Variants in CHM observed in about 807,000 individuals in gnomAD.
CHM encodes rab proteins geranylgeranyltransferase component A 1.
Under a neutral mutation model 49.0 loss-of-function variants are expected in CHM, and 10 were observed. The ratio of observed to expected loss-of-function variants is 0.20; its 90% CI spans 0.13 to 0.35. The LOEUF (loss-of-function observed/expected upper bound fraction) is 0.35, where lower values mean the gene tolerates loss of function less well. Among genes scored for constraint, CHM ranks in the 10% least tolerant of loss-of-function variants. The pLI, the probability that CHM is intolerant of heterozygous loss-of-function variation, is 1.00. For synonymous variants in CHM, 184 were observed against 167.5 expected (o/e 1.10, Z -0.76); for missense variants, 455 against 478.4 (o/e 0.95, Z 0.46).
chrX:85,993,755 G>C (rs1194398439), intron 2 of CHM, among the ~76,000 whole-genome samples: 2 of 111,711 alleles, frequency 1.8e-5, no homozygotes, highest in African/African-American at 6.5e-5. Flanking sequence ...AGTGAGCCAA[G>C]GGCCTGCATA....
intron 8 of CHM, among the ~76,000 whole-genome samples, chrX:85,941,115 AT>A (rs1387518900): frequency 8.9e-6 from 1 of 112,002 alleles, no homozygotes; most frequent in African/African-American, 3.2e-5. Flanking sequence ...TTGTTGTTGA[AT>A]TAAATGGAAA....
At chrX:85,924,014 C>T (rs766643498) in intron 8 of CHM, among the ~76,000 whole-genome samples, 11 of 111,528 alleles carry the variant, frequency 9.9e-5, no homozygotes, top group African/African-American at 2.3e-4. Flanking sequence ...GAAACGAGGA[C>T]GCATATAGTT....
intron 11 of CHM, among the ~76,000 whole-genome samples, chrX:85,900,119 G>T (rs1353193013): frequency 9.0e-6 from 1 of 111,585 alleles, no homozygotes; most frequent in Non-Finnish European, 1.9e-5. Context: ...GTTCATCAAT[G>T]GAAGAATGGG....
intron 4 of CHM, among the ~76,000 whole-genome samples, chrX:85,973,328 A>AAG (rs1931070449): frequency 9.9e-6 from 1 of 101,519 alleles, no homozygotes; most frequent in Non-Finnish European, 2.0e-5. Flanking sequence ...AAAAAAAAAA[A>AAG]AAAGAAAGAA....
At chrX:85,996,815 G>A (rs1223394921) in intron 2 of CHM, among the ~76,000 whole-genome samples, 4 of 111,739 alleles carry the variant, frequency 3.6e-5, no homozygotes, top group South Asian at 3.8e-4. Context: ...CAGATTCACT[G>A]AGCCAGATGA....
Position 86,043,344 on chromosome X carries a change from T to C in CHM, c.49+4140A>G, listed in dbSNP as rs189618303. 1.1e-4 allele frequency among the ~76,000 whole-genome samples: 12 copies of C among 111,222 alleles called. No individual in the cohort carries two copies. In the Admixed American group the frequency reaches 1.1e-3, roughly 11 times the overall value. On this transcript the variant is annotated intron_variant, in intron 1 of 14. Coordinates refer to ENST00000357749, the MANE Select transcript of CHM (RefSeq NM_000390.4). Reference sequence around the variant, plus strand: ...GATAATCAGGATTTAGGGGCAGTACTCCTTATAATTTCCATGTTTATCTTT... The same window carrying C: ...GATAATCAGGATTTAGGGGCAGTACCCCTTATAATTTCCATGTTTATCTTT...
chrX:85,952,040 G>A (rs950936882), intron 8 of CHM, among the ~76,000 whole-genome samples: 1 of 112,192 alleles, frequency 8.9e-6, no homozygotes, highest in Non-Finnish European at 1.9e-5. Context: ...GAAAGGAATG[G>A]CCCATCCCAG....
intron 4 of CHM, among the ~76,000 whole-genome samples, chrX:85,975,658 G>A (rs1019491589): frequency 1.6e-4 from 18 of 112,207 alleles, no homozygotes; most frequent in African/African-American, 5.5e-4. Context: ...GAATGGTAGG[G>A]GTGAGTAAGA....
intron 2 of CHM, among the ~76,000 whole-genome samples, chrX:85,999,470 TG>T (rs1201715919): frequency 9.0e-6 from 1 of 111,291 alleles, no homozygotes; most frequent in African/African-American, 3.3e-5. Context: ...AAGACTGATA[TG>T]AAAAAAATAT....
intron 2 of CHM, among the ~76,000 whole-genome samples, chrX:86,013,909 C>A (rs1432887028): frequency 8.9e-6 from 1 of 111,737 alleles, no homozygotes; most frequent in Non-Finnish European, 1.9e-5. Context: ...GGTCTGCAAG[C>A]AATGTTTATA....
chrX:85,876,899 A>G (rs2148124458), intron 13 of CHM, among the ~76,000 whole-genome samples: 1 of 111,765 alleles, frequency 8.9e-6, no homozygotes, highest in African/African-American at 3.2e-5. Context: ...AAAGAAAATT[A>G]AATGCATTTA....
intron 8 of CHM, among the ~76,000 whole-genome samples, chrX:85,918,597 C>T (rs1252439516): frequency 9.0e-6 from 1 of 111,652 alleles, no homozygotes; most frequent in Non-Finnish European, 1.9e-5. Context: ...ACTTAAAAGG[C>T]ACAAAGTGGC....
intron 13 of CHM, among the ~76,000 whole-genome samples, chrX:85,876,335 CTAAAA>C (rs1429270179): frequency 9.0e-6 from 1 of 111,301 alleles, no homozygotes; most frequent in Non-Finnish European, 1.9e-5. Flanking sequence ...ATGTTTTAAA[CTAAAA>C]TATTTACAAT....
chrX:85,872,329 T>C (rs983126990), intron 14 of CHM, among the ~76,000 whole-genome samples: 1 of 112,215 alleles, frequency 8.9e-6, no homozygotes, highest in South Asian at 3.7e-4. Context: ...ATATTTTCTG[T>C]TTGTTTTCGT....
chrX:85,993,239 T>C (rs1237739468), intron 2 of CHM, among the ~76,000 whole-genome samples: 1 of 111,322 alleles, frequency 9.0e-6, no homozygotes, highest in Non-Finnish European at 1.9e-5. Context: ...AAATTTATTA[T>C]CTGTCCCACA....
chrX:85,953,338 G>A (rs768458736), intron 8 of CHM, among the ~76,000 whole-genome samples: 21 of 111,537 alleles, frequency 1.9e-4, no homozygotes, highest in African/African-American at 6.8e-4. Flanking sequence ...TTGTTAAAAT[G>A]TCCATACTAT....
chrX:85,996,670 T>TTA, intron 2 of CHM, among the ~76,000 whole-genome samples: 1 of 111,424 alleles, frequency 9.0e-6, no homozygotes, highest in Non-Finnish European at 1.9e-5. Flanking sequence ...AGGAAATTCC[T>TTA]TATATATATA....
At chrX:85,946,568 A>G (rs1182914066) in intron 8 of CHM, among the ~76,000 whole-genome samples, 1 of 112,265 alleles carries the variant, frequency 8.9e-6, no homozygotes, top group Non-Finnish European at 1.9e-5. Context: ...CACACAGAGT[A>G]TAAGAGTGGA....
intron 8 of CHM, among the ~76,000 whole-genome samples, chrX:85,947,813 T>C (rs1331791249): frequency 1.8e-5 from 2 of 112,161 alleles, no homozygotes; most frequent in East Asian, 5.6e-4. Flanking sequence ...GTCAGGAAAA[T>C]TTCATCTGAG....
Sources: allele counts gnomAD v4.1 joint callset (sites outside exome capture counted in the v4.1 genomes callset), GRCh38; gene constraint gnomAD v4.1.1; transcripts MANE v1.5; gene names NCBI Gene and HGNC (gene_info 2026-07-23, HGNC 2026-07-21).